DRC9: variants seen among roughly 807,000 people sequenced by gnomAD.
The protein encoded by DRC9 is dynein regulatory complex subunit 9.
At chr3:197,906,138 A>G in the DRC9 span, among the ~76,000 whole-genome samples, 4 of 152,156 alleles carry the variant, frequency 2.6e-5, no homozygotes, top group Non-Finnish European at 5.9e-5. Context: ...CAGCTGACAA[A>G]ATGCTAAGCT....
At chr3:197,889,319 T>G in the DRC9 span, 4 of 464,494 alleles carry the variant, frequency 8.6e-6, no homozygotes, top group South Asian at 1.0e-4. Context: ...AGAATGAATC[T>G]TCACAGGACT....
chr3:197,896,143 G>A, the DRC9 span, among the ~76,000 whole-genome samples: 1 of 151,736 alleles, frequency 6.6e-6, no homozygotes, highest in Non-Finnish European at 1.5e-5. Flanking sequence ...GGGAGTTTGA[G>A]ACCAGCCTGA....
chr3:197,940,890 T>C, the DRC9 span, among the ~76,000 whole-genome samples: 1 of 151,866 alleles, frequency 6.6e-6, no homozygotes, highest in Non-Finnish European at 1.5e-5. Context: ...ACAAGGAGGG[T>C]TTCTGTTGAG....
At chr3:197,894,685 G>T in the DRC9 span, 1 of 152,180 alleles carries the variant, frequency 6.6e-6, no homozygotes, top group African/African-American at 2.4e-5. Context: ...CAGACTCGGG[G>T]ACGATGCACC....
chr3:197,959,946 A>C, the DRC9 span: 1 of 501,788 alleles, frequency 2.0e-6, no homozygotes, highest in Admixed American at 3.5e-5. Flanking sequence ...TAAATGAAAG[A>C]ACTGAAAAAC....
chr3:197,890,832 T>A, the DRC9 span, among the ~76,000 whole-genome samples: 2 of 152,164 alleles, frequency 1.3e-5, no homozygotes, highest in Non-Finnish European at 2.9e-5. Flanking sequence ...CTATTTTAGA[T>A]CACCCTAATA....
chr3:197,933,374 G>A, the DRC9 span, among the ~76,000 whole-genome samples: 1 of 151,976 alleles, frequency 6.6e-6, no homozygotes, highest in African/African-American at 2.4e-5. Flanking sequence ...CCAGAAGGCA[G>A]AGGTTACAGT....
chr3:197,899,000 T>TA, the DRC9 span, among the ~76,000 whole-genome samples: 3 of 151,896 alleles, frequency 2.0e-5, no homozygotes, highest in Admixed American at 1.3e-4. Context: ...TTTAAAATTG[T>TA]AAAAAAAACT....
At chr3:197,918,531 C>T in the DRC9 span, among the ~76,000 whole-genome samples, 3 of 152,144 alleles carry the variant, frequency 2.0e-5, no homozygotes, top group Non-Finnish European at 2.9e-5. Context: ...ATATATCACT[C>T]AAGTAAATAA....
chr3:197,907,860 C>T, the DRC9 span, among the ~76,000 whole-genome samples: 3 of 136,432 alleles, frequency 2.2e-5, no homozygotes, highest in African/African-American at 5.6e-5. Flanking sequence ...TTCCAAGGCA[C>T]CCTCCCAGAT....
At chr3:197,912,827 T>G in the DRC9 span, 1 of 1,188,218 alleles carries the variant, frequency 8.4e-7, no homozygotes, top group Non-Finnish European at 1.3e-6. Context: ...GAGCAGCAGC[T>G]CGGTCGGTAG....
chr3:197,938,285 C>A, the DRC9 span, among the ~76,000 whole-genome samples: 2 of 150,692 alleles, frequency 1.3e-5, no homozygotes, highest in African/African-American at 4.9e-5. Flanking sequence ...CCATTGCACT[C>A]CAGCCTTGGT....
the DRC9 span, among the ~76,000 whole-genome samples, chr3:197,914,224 A>G: frequency 6.6e-6 from 1 of 152,240 alleles, no homozygotes; most frequent in African/African-American, 2.4e-5. Flanking sequence ...AGTGAGTAAC[A>G]CAGCATTTCT....
chr3:197,940,167 T>C, the DRC9 span, among the ~76,000 whole-genome samples: 1 of 151,978 alleles, frequency 6.6e-6, no homozygotes, highest in South Asian at 2.1e-4. Flanking sequence ...CTAATTTTTT[T>C]GTATTTTTAG....
the DRC9 span, among the ~76,000 whole-genome samples, chr3:197,948,718 G>A: frequency 6.6e-6 from 1 of 152,192 alleles, no homozygotes; most frequent in African/African-American, 2.4e-5. Flanking sequence ...TTTAAGAGAG[G>A]ATCTGATTTT....
the DRC9 span, chr3:197,892,665 G>A: frequency 4.3e-6 from 7 of 1,613,362 alleles, no homozygotes; most frequent in Non-Finnish European, 5.9e-6. Context: ...TAAGTCACTG[G>A]CCTTTGTGGC....
At chr3:197,956,690 T>A in the DRC9 span, 1 of 150,876 alleles carries the variant, frequency 6.6e-6, no homozygotes, top group Non-Finnish European at 1.5e-5. Context: ...GTGGCGTGAT[T>A]ACAGCTTACT....
chr3:197,950,345 A>G, the DRC9 span: 1 of 1,223,718 alleles, frequency 8.2e-7, no homozygotes, highest in Non-Finnish European at 1.0e-6. Flanking sequence ...ACGGGTTTCA[A>G]GAAGAGGGAG....
chr3:197,903,152 C>T, the DRC9 span, among the ~76,000 whole-genome samples: 1 of 152,152 alleles, frequency 6.6e-6, no homozygotes, highest in Non-Finnish European at 1.5e-5. Context: ...CTAGACTAGA[C>T]AGCTATCTCT....
Sources: allele counts gnomAD v4.1 joint callset (sites outside exome capture counted in the v4.1 genomes callset), GRCh38; gene constraint gnomAD v4.1.1; transcripts MANE v1.5; gene names NCBI Gene and HGNC (gene_info 2026-07-23, HGNC 2026-07-21).